Variants in TRIM67 observed in about 807,000 individuals in gnomAD.
TRIM67 encodes the protein tripartite motif-containing protein 67.
In TRIM67, 39 loss-of-function variants were observed where a neutral mutation model predicts 71.0. The observed-to-expected ratio is 0.55, with a 90% CI of 0.43 to 0.72. The LOEUF (loss-of-function observed/expected upper bound fraction) is 0.72. TRIM67 is among the 30% of genes least tolerant of loss of function. The probability of loss-of-function intolerance (pLI) is 0.00; values close to 1 mark genes in which losing one functional copy is unlikely to be tolerated. For synonymous variants in TRIM67, 481 were observed against 473.9 expected (o/e 1.01, Z -0.19); for missense variants, 973 against 1,079.2 (o/e 0.90, Z 1.38).
chr1:231,190,747 G>A (rs756669329), intron 1 of TRIM67, among the ~76,000 whole-genome samples: 29 of 152,308 alleles, frequency 1.9e-4, no homozygotes, highest in African/African-American at 5.8e-4. Flanking sequence ...TCCTGGGAGC[G>A]GACTGGGAGC....
intron 1 of TRIM67, among the ~76,000 whole-genome samples, chr1:231,165,064 T>G (rs1682415043): frequency 1.3e-5 from 2 of 152,172 alleles, no homozygotes. Flanking sequence ...TTCTCAACTG[T>G]GTCCAATTTT....
chr1:231,199,095 C>G lies in TRIM67; in HGVS notation c.1189C>G (p.Leu397Val). 6.2e-7 allele frequency: 1 copy of G among 1,614,000 alleles called. No individual in the cohort carries two copies. The highest frequency in any genetic ancestry group is 1.3e-5 in the African/African-American group (1 of 75,036). Reference sequence around the variant, plus strand: ...CTGCCTCGTTGCTCAGTGTGATGCCCTTGTGGATGCTTTAACTCGTCAGAA... The same window carrying G: ...CTGCCTCGTTGCTCAGTGTGATGCCGTTGTGGATGCTTTAACTCGTCAGAA... ...EACLVAQCDA[L>V]VDALTRQKAK... Residue 397 changes from leucine (L) to valine (V), a missense_variant, in exon 3 of 10, where the codon CTT (leucine) becomes GTT (valine). Leu to Val is a conservative substitution (Grantham distance 32). This residue lies in a region of TRIM67 where 795 missense variants were observed against 831.3 expected (regional missense o/e 0.96). Transcript: ENST00000366653.
Position 231,200,263 on chromosome 1 carries a change from G to A in TRIM67, c.1374+5G>A. On this transcript the variant is annotated splice_donor_5th_base_variant and intron_variant, in intron 4 of 9. Coordinates refer to ENST00000366653, the MANE Select transcript of TRIM67 (RefSeq NM_001004342.5). ...GACCCCTCCGGGTTCTTACAGGTGA[G>A]CCTGTCCCTGGAAGACACAAAGTGG... 3.8e-6 allele frequency: 6 copies of A among 1,589,032 alleles called. No individual in the cohort carries two copies. Among genetic ancestry groups the A allele is most frequent in the Non-Finnish European group, 5.2e-6 (6 of 1,157,360 alleles).
chr1:231,192,671 G>A (rs1295960329), intron 1 of TRIM67, among the ~76,000 whole-genome samples: 2 of 152,246 alleles, frequency 1.3e-5, no homozygotes, highest in African/African-American at 2.4e-5. Context: ...TCCCTCGACA[G>A]CGGCTAGCCC....
At chr1:231,188,036 C>G (rs1272170763) in intron 1 of TRIM67, among the ~76,000 whole-genome samples, 2 of 152,184 alleles carry the variant, frequency 1.3e-5, no homozygotes, top group African/African-American at 2.4e-5. Context: ...TTCCCATGCT[C>G]TCCCACTCTC....
At position 231,163,008 on chromosome 1, in the gene TRIM67, G is replaced by T. The variant is rs200089970; in HGVS notation, c.39G>T (p.Leu13=). The change falls in exon 1 of 10, where the codon CTG becomes CTT. Residue 13 remains leucine (L), a synonymous_variant. Transcript: ENST00000366653. ...EELKCPVCGS[L]FREPIILPCS... The stretch of plus-strand genomic sequence containing the variant: ...TGAAGTGTCCCGTGTGCGGCTCTCT[G>T]TTTCGGGAGCCTATCATCCTGCCCT... The T allele has an allele frequency of 2.5e-6, 4 of 1,612,848 alleles. No individual in the cohort carries two copies. In the African/African-American group the frequency reaches 5.3e-5, roughly 22 times the overall value.
chr1:231,168,600 TA>T (rs1242679047), intron 1 of TRIM67, among the ~76,000 whole-genome samples: 1 of 152,264 alleles, frequency 6.6e-6, no homozygotes, highest in Non-Finnish European at 1.5e-5. Context: ...GGAGAAATGA[TA>T]AGGTGGATTG....
At chr1:231,190,232 G>T (rs1218626253) in intron 1 of TRIM67, among the ~76,000 whole-genome samples, 6 of 152,182 alleles carry the variant, frequency 3.9e-5, no homozygotes, top group African/African-American at 1.4e-4. Context: ...GATCTAGTCT[G>T]TGTTGACAGA....
intron 5 of TRIM67, among the ~76,000 whole-genome samples, chr1:231,201,759 T>C (rs1683532324): frequency 6.6e-6 from 1 of 152,212 alleles, no homozygotes; most frequent in South Asian, 2.1e-4. Flanking sequence ...AAGACAATCA[T>C]TTGTTCAACA....
Position 231,209,755 on chromosome 1 carries a change from G to T in TRIM67, c.2123+505G>T, listed in dbSNP as rs1385410542. On this transcript the variant is annotated intron_variant, in intron 8 of 9. Transcript: ENST00000366653. The surrounding 1 kb of genome is among the most constrained non-coding windows in gnomAD (Gnocchi z 4.1). ...GCCCTTGACAGGGCAGTAGCAGAGGGCATGGCTGGGGTGCTCACTACTAAC... is the reference window on the plus strand; with the variant it reads ...GCCCTTGACAGGGCAGTAGCAGAGGTCATGGCTGGGGTGCTCACTACTAAC... Among the ~76,000 whole-genome samples, 2 of 152,236 alleles carry T rather than the reference G, an allele frequency of 1.3e-5. No homozygotes were observed. Among genetic ancestry groups the T allele is most frequent in the African/African-American group, 2.4e-5 (1 of 41,458 alleles).
rs187848715 is a variant in TRIM67 at position 231,216,862 on chromosome 1, C to G, written c.*1422C>G. 2 of 985,584 alleles carry G rather than the reference C, an allele frequency of 2.0e-6. No homozygotes were observed. Among genetic ancestry groups the G allele is most frequent in the African/African-American group, 1.7e-5 (1 of 57,378 alleles). 61.1% of individuals were successfully genotyped at this position (985,584 alleles called of 1,614,324 possible). On this transcript the variant is annotated 3_prime_UTR_variant, in exon 10 of 10. Transcript: ENST00000366653. ...GGGAACCCTTCCTCTCCTCCCTCCT[C>G]TCATCTTCCCAGTCACCTGCCACCT...
At position 231,203,998 on chromosome 1, in the gene TRIM67, G is replaced by A. The variant is rs200183290; in HGVS notation, c.1666G>A (p.Gly556Arg). 1.3e-4 allele frequency: 213 copies of A among 1,613,856 alleles called. 1 individual carries two copies. The highest frequency in any genetic ancestry group is 3.3e-4 in the South Asian group (30 of 91,064). The change falls in exon 6 of 10, where the codon GGG (glycine) becomes AGG (arginine). Residue 556 changes from glycine (G) to arginine (R), a missense_variant. Around this residue, in one of 2 missense-constraint regions of TRIM67, gnomAD observed 795 missense variants for 831.3 expected, o/e 0.96. Transcript: ENST00000366653. ...CATCCTGGAGCTGGACGACGGTGCC[G>A]GGGGACAGTTCCGGGTGAGGCCTTG... is the stretch of plus-strand genomic sequence containing the variant. ...GYILELDDGAGGQFREVYVGK... is the reference protein window; with the variant it reads ...GYILELDDGARGQFREVYVGK...
At chr1:231,193,398 G>T (rs961986605) in intron 1 of TRIM67, among the ~76,000 whole-genome samples, 1 of 151,956 alleles carries the variant, frequency 6.6e-6, no homozygotes, top group African/African-American at 2.4e-5. Context: ...GATATTAGGT[G>T]GTGGAGCCTT....
At chr1:231,207,652 G>C (rs1250240119) in intron 7 of TRIM67, among the ~76,000 whole-genome samples, 1 of 152,170 alleles carries the variant, frequency 6.6e-6, no homozygotes, top group Non-Finnish European at 1.5e-5. Context: ...GCAGGGAGGA[G>C]TAGGAGCATG....
intron 1 of TRIM67, among the ~76,000 whole-genome samples, chr1:231,180,144 T>A (rs537665767): frequency 1.8e-4 from 28 of 152,352 alleles, no homozygotes; most frequent in African/African-American, 6.7e-4. Context: ...CACTGAATAA[T>A]CTATCTTAGA....
rs534080582 is a variant in TRIM67, at chr1:231,199,594, C to T, written c.1263+425C>T. Among the ~76,000 whole-genome samples, 463 of 152,232 alleles carry T rather than the reference C, an allele frequency of 3.0e-3. 4 individuals are homozygous for T. Among genetic ancestry groups the T allele is most frequent in the African/African-American group, 0.011 (437 of 41,546 alleles). On this transcript the variant is annotated intron_variant, in intron 3 of 9. Coordinates refer to ENST00000366653, the MANE Select transcript of TRIM67 (RefSeq NM_001004342.5). Reference sequence around the variant, plus strand: ...ACAGCCAGTTCCCACCAAGGGAAGACGAGACTCTCCCCTCACGTCACACTG... The same window carrying T: ...ACAGCCAGTTCCCACCAAGGGAAGATGAGACTCTCCCCTCACGTCACACTG...
At chr1:231,168,259 C>T (rs1299330676) in intron 1 of TRIM67, among the ~76,000 whole-genome samples, 20 of 152,226 alleles carry the variant, frequency 1.3e-4, no homozygotes, top group Admixed American at 1.2e-3. Context: ...TAGGCGTGAG[C>T]GACTGCACCT....
At chr1:231,193,503 GCTCTCTCTCTCTCTCTCT>G (rs3049035) in intron 1 of TRIM67, among the ~76,000 whole-genome samples, 11 of 81,946 alleles carry the variant, frequency 1.3e-4, no homozygotes, top group African/African-American at 1.8e-4. Context: ...TCTCTCTCAA[GCTCTCTCTCTCTCTCTCT>G]CTCTCTCTCT....
chr1:231,171,604 G>A (rs571085159), intron 1 of TRIM67, among the ~76,000 whole-genome samples: 1 of 152,046 alleles, frequency 6.6e-6, no homozygotes, highest in Non-Finnish European at 1.5e-5. Context: ...GGGGGCTTTA[G>A]CAAATTCCTT....
Sources: gnomAD v4.1 joint callset for allele counts (sites outside exome capture counted in the v4.1 genomes callset) on GRCh38, gnomAD v4.1.1 for gene constraint, gnomAD v4.1.1 regional missense constraint, Gnocchi (gnomAD v3.1) non-coding constraint, MANE v1.5 for transcripts, NCBI Gene and HGNC (gene_info 2026-07-23, HGNC 2026-07-21) for gene names.